Variants in ADGRB3 observed in about 807,000 individuals in gnomAD.
The protein encoded by ADGRB3 is brain-specific angiogenesis inhibitor 3.
In ADGRB3, 37 loss-of-function variants were observed where a neutral mutation model predicts 193.4. That is an observed-to-expected ratio of 0.19 (90% CI 0.15 to 0.25). ADGRB3 has a LOEUF of 0.25. Among genes scored for constraint, ADGRB3 ranks in the 10% least tolerant of loss-of-function variants. ADGRB3 has a pLI of 1.00. For synonymous variants in ADGRB3, 690 were observed against 644.2 expected, an observed-to-expected ratio of 1.07 and a Z score of -1.08; for missense variants, 1,637 against 1,852.9, an observed-to-expected ratio of 0.88 and a Z score of 2.14.
At chr6:69,290,924 C>T (rs1215339102) in intron 20 of ADGRB3, among the ~76,000 whole-genome samples, 1 of 151,842 alleles carries the variant, frequency 6.6e-6, no homozygotes, top group Non-Finnish European at 1.5e-5. Flanking sequence ...AATTCTAGGC[C>T]AAAGATAATT....
At chr6:68,839,615 T>C (rs1768112700) in intron 3 of ADGRB3, among the ~76,000 whole-genome samples, 1 of 152,104 alleles carries the variant, frequency 6.6e-6, no homozygotes, top group Admixed American at 6.6e-5. Flanking sequence ...TCACTGGCCA[T>C]TAGAAAAGCA....
intron 8 of ADGRB3, among the ~76,000 whole-genome samples, chr6:68,970,065 T>C (rs1057433670): frequency 4.6e-5 from 7 of 152,298 alleles, no homozygotes; most frequent in Non-Finnish European, 8.8e-5. Flanking sequence ...ACAAATTGTT[T>C]CCTCTGCCTG....
chr6:69,108,563 A>G (rs1330776467), intron 17 of ADGRB3, among the ~76,000 whole-genome samples: 2 of 151,860 alleles, frequency 1.3e-5, no homozygotes, highest in Admixed American at 6.6e-5. Context: ...GTGTGTTTGT[A>G]TGTGTGTGTG....
At chr6:68,971,260 A>T (rs1768559920) in intron 8 of ADGRB3, among the ~76,000 whole-genome samples, 1 of 152,214 alleles carries the variant, frequency 6.6e-6, no homozygotes, top group Non-Finnish European at 1.5e-5. Context: ...GCAACTATTT[A>T]TATAGCATTT....
chr6:69,178,047 C>T (rs1775476426), intron 17 of ADGRB3, among the ~76,000 whole-genome samples: 1 of 152,078 alleles, frequency 6.6e-6, no homozygotes, highest in South Asian at 2.1e-4. Context: ...GTTGAAGTCC[C>T]CTGCTGTTAT....
intron 3 of ADGRB3, among the ~76,000 whole-genome samples, chr6:68,886,785 T>C (rs138004333): frequency 0.012 from 1,871 of 152,148 alleles, 21 homozygotes; most frequent in South Asian, 0.029. Flanking sequence ...AATATCACTT[T>C]TGTTATGGAA....
intron 8 of ADGRB3, among the ~76,000 whole-genome samples, chr6:68,966,044 C>T (rs1209536272): frequency 6.6e-6 from 1 of 152,120 alleles, no homozygotes; most frequent in Non-Finnish European, 1.5e-5. Context: ...CTATTTTCGG[C>T]ATCTCCTCTC....
intron 26 of ADGRB3, among the ~76,000 whole-genome samples, chr6:69,343,150 A>AT (rs996402391): frequency 3.7e-5 from 5 of 135,398 alleles, no homozygotes; most frequent in East Asian, 2.1e-4. Context: ...TATTTTTTTT[A>AT]TTTTTTTTTA....
intron 5 of ADGRB3, among the ~76,000 whole-genome samples, chr6:68,943,546 T>C (rs750156812): frequency 6.6e-6 from 1 of 152,138 alleles, no homozygotes; most frequent in Non-Finnish European, 1.5e-5. Context: ...TGTTTTACCA[T>C]AAGGGAGAGA....
chr6:69,113,310 T>C (rs1360022499), intron 17 of ADGRB3, among the ~76,000 whole-genome samples: 2 of 148,552 alleles, frequency 1.3e-5, no homozygotes, highest in Admixed American at 1.3e-4. Flanking sequence ...GTATCACACA[T>C]ATATGTACCA....
At chr6:68,655,681 C>T (rs1338301441) in intron 3 of ADGRB3, among the ~76,000 whole-genome samples, 1 of 151,612 alleles carries the variant, frequency 6.6e-6, no homozygotes, top group South Asian at 2.1e-4. Context: ...CTCCTTTAGT[C>T]CTCATTTCAA....
Position 69,324,964 on chromosome 6 carries a change from T to C in ADGRB3, c.2907T>C (p.Ala969=). The C allele has an allele frequency of 6.2e-7, 1 of 1,613,942 alleles. No homozygotes were observed. The highest frequency in any genetic ancestry group is 8.5e-7 in the Non-Finnish European group (1 of 1,179,906). The change falls in exon 21 of 32, where the codon GCT becomes GCC. Residue 969 remains alanine (A), a synonymous_variant. Coordinates refer to ENST00000370598, the MANE Select transcript of ADGRB3 (RefSeq NM_001704.3). ...VLTEAWQSYM[A]VTGKIRTRLI... ...CTGAGGCGTGGCAATCATATATGGC[T>C]GTAACTGGAAAAATTAGGACACGGC...
intron 13 of ADGRB3, among the ~76,000 whole-genome samples, chr6:69,019,222 C>T (rs1156474271): frequency 2.0e-5 from 3 of 151,930 alleles, no homozygotes; most frequent in Non-Finnish European, 4.4e-5. Flanking sequence ...AAAGCTTCTT[C>T]TGATAATGTT....
At chr6:69,155,922 G>T (rs529175312) in intron 17 of ADGRB3, among the ~76,000 whole-genome samples, 1 of 152,094 alleles carries the variant, frequency 6.6e-6, no homozygotes, top group African/African-American at 2.4e-5. Context: ...CACTGATACA[G>T]CAATATGACT....
intron 3 of ADGRB3, among the ~76,000 whole-genome samples, chr6:68,693,499 C>G (rs1204431829): frequency 1.3e-5 from 2 of 151,922 alleles, no homozygotes; most frequent in African/African-American, 2.4e-5. Flanking sequence ...TAAGGAAACT[C>G]AAGTTGAAAG....
At chr6:68,774,371 T>C (rs1420020979) in intron 3 of ADGRB3, among the ~76,000 whole-genome samples, 1 of 89,576 alleles carries the variant, frequency 1.1e-5, no homozygotes, top group Non-Finnish European at 2.4e-5. Context: ...ACTATGCCTA[T>C]TTTTTTTTTT....
At chr6:68,727,435 C>T (rs1241101421) in intron 3 of ADGRB3, among the ~76,000 whole-genome samples, 1 of 151,400 alleles carries the variant, frequency 6.6e-6, no homozygotes, top group African/African-American at 2.4e-5. Context: ...AAAATTGCAC[C>T]AAAATGTGAT....
At chr6:69,138,468 A>G (rs925760119) in intron 17 of ADGRB3, among the ~76,000 whole-genome samples, 7 of 152,224 alleles carry the variant, frequency 4.6e-5, no homozygotes, top group Non-Finnish European at 7.3e-5. Flanking sequence ...AGTGTTCACC[A>G]TAGAAATGTA....
intron 3 of ADGRB3, among the ~76,000 whole-genome samples, chr6:68,884,033 T>C (rs1365835848): frequency 6.6e-6 from 1 of 152,174 alleles, no homozygotes; most frequent in Non-Finnish European, 1.5e-5. Flanking sequence ...ATGATTTGAC[T>C]AGAATTCAGA....
Sources: allele counts gnomAD v4.1 joint callset (sites outside exome capture counted in the v4.1 genomes callset), GRCh38; gene constraint gnomAD v4.1.1; transcripts MANE v1.5; gene names NCBI Gene and HGNC (gene_info 2026-07-23, HGNC 2026-07-21).